KIF2C: variants seen among roughly 807,000 people sequenced by gnomAD.
KIF2C encodes kinesin-like protein KIF2C.
KIF2C carries 34 observed loss-of-function variants against 97.4 expected under a neutral mutation model. The ratio of observed to expected loss-of-function variants is 0.35; its 90% confidence interval spans 0.27 to 0.46. The LOEUF (loss-of-function observed/expected upper bound fraction) is 0.46, where lower values mean the gene tolerates loss of function less well. KIF2C is among the 20% of genes least tolerant of loss of function. KIF2C has a pLI of 1.00. For missense variants in KIF2C, 750 were observed against 907.6 expected, an observed-to-expected ratio of 0.83 and a Z score of 2.23; for synonymous variants, 313 against 318.2, an observed-to-expected ratio of 0.98 and a Z score of 0.17.
rs770333738 is a variant in KIF2C at position 44,739,950 on chromosome 1, G to A, written c.18G>A (p.Ser6=). 3.7e-6 allele frequency: 6 copies of A among 1,614,174 alleles called. No homozygotes were observed. In the Admixed American group the frequency reaches 8.3e-5, roughly 22 times the overall value. The change falls in exon 1 of 21, where the codon TCG becomes TCA. Residue 6 remains serine (S), a synonymous_variant. Coordinates refer to ENST00000372224, the MANE Select transcript of KIF2C (RefSeq NM_006845.4). MAMDS[S]LQARLFPGLA... is the part of the protein sequence containing the mutation. ...CTCTCCGAATGGCCATGGACTCGTC[G>A]CTTCAGGCCCGCCTGTTTCCCGGTC...
intron 5 of KIF2C, 133 bp downstream of exon 5, chr1:44,750,697 C>A: frequency 3.9e-6 from 4 of 1,038,036 alleles, no homozygotes; most frequent in Non-Finnish European, 5.1e-6. Context: ...CCTACCAACA[C>A]GGCTTTCTTA....
At chr1:44,759,176 C>T (rs2148831200) in intron 13 of KIF2C, 30 bp from the exon 14 acceptor site, 1 of 1,613,174 alleles carries the variant, frequency 6.2e-7, no homozygotes, top group Middle Eastern at 1.7e-4. Context: ...TGCCCAGTGG[C>T]CTTAGCCTCA....
At position 44,760,344 on chromosome 1, in the gene KIF2C, C is replaced by A; in HGVS notation, c.1432C>A (p.Leu478Ile). 1.2e-6 allele frequency: 2 copies of A among 1,614,218 alleles called. No homozygotes were observed. Among genetic ancestry groups the A allele is most frequent in the Non-Finnish European group, 1.7e-6 (2 of 1,180,054 alleles). The change falls in exon 15 of 21, where the codon CTT becomes ATT. Residue 478 changes from leucine to isoleucine, a missense_variant. Transcript: ENST00000372224. This position sits in a 1 kb window ranked among gnomAD's most constrained non-coding sequence, Gnocchi z 4.2. Reference protein sequence around the residue: ...SRSHACFQIILRAKGRMHGKF... With the variant: ...SRSHACFQIIIRAKGRMHGKF... ...CTCCCACGCGTGCTTCCAAATTATTCTTCGAGCTAAAGGGAGAATGCATGG... is the reference window on the plus strand; with the variant it reads ...CTCCCACGCGTGCTTCCAAATTATTATTCGAGCTAAAGGGAGAATGCATGG...
chr1:44,762,127 T>C (rs1650185253), intron 17 of KIF2C, 144 bp downstream of exon 17: 4 of 871,620 alleles, frequency 4.6e-6, no homozygotes, highest in East Asian at 2.5e-5. Flanking sequence ...AGTTCCGCCG[T>C]GATGCTAGGT....
intron 10 of KIF2C, among the ~76,000 whole-genome samples, chr1:44,756,544 CTTTTTT>C (rs67641740): frequency 1.5e-5 from 1 of 65,242 alleles, no homozygotes; most frequent in Non-Finnish European, 2.6e-5. Flanking sequence ...GCTCTATCTG[CTTTTTT>C]TTTTTTTTTT....
rs1387872732 is a variant in KIF2C, at chr1:44,767,113, G to A, written c.2112G>A (p.Leu704=). 6.2e-7 allele frequency: 1 copy of A among 1,614,056 alleles called. No individual in the cohort carries two copies. The highest frequency in any genetic ancestry group is 1.3e-5 in the African/African-American group (1 of 74,930). ...FSALRDVIKA[L]RLAMQLEEQA... The stretch of plus-strand genomic sequence containing the variant: ...TTCTTCCAGATGTCATCAAGGCCTT[G>A]CGCCTGGCCATGCAGCTGGAAGAGC... The change falls in exon 21 of 21, where the codon TTG becomes TTA. Residue 704 remains leucine (L), a synonymous_variant. Coordinates refer to ENST00000372224, the MANE Select transcript of KIF2C (RefSeq NM_006845.4).
At chr1:44,764,078 T>A (rs1394414956) in intron 19 of KIF2C, among the ~76,000 whole-genome samples, 1 of 152,036 alleles carries the variant, frequency 6.6e-6, no homozygotes, top group Non-Finnish European at 1.5e-5. Flanking sequence ...ACTGTGTCCG[T>A]GTTCATGGGA....
chr1:44,740,422 C>G (rs1026203307), intron 1 of KIF2C, among the ~76,000 whole-genome samples: 4 of 152,162 alleles, frequency 2.6e-5, no homozygotes, highest in Admixed American at 6.6e-5. Flanking sequence ...GCTTGAGGAG[C>G]TTGTAGTCGT....
chr1:44,739,890 G>A lies in KIF2C; in HGVS notation c.-43G>A. The stretch of plus-strand genomic sequence containing the variant: ...ACTTCGTAGGGTTAGCGAAATTGAG[G>A]TTTCTTGGTATTGCGCGTTTCTCTT... On this transcript the variant is annotated 5_prime_UTR_variant, in exon 1 of 21. Coordinates refer to ENST00000372224, the MANE Select transcript of KIF2C (RefSeq NM_006845.4). 1.3e-6 allele frequency: 2 copies of A among 1,569,712 alleles called. No individual in the cohort carries two copies. The highest frequency in any genetic ancestry group is 1.8e-6 in the Non-Finnish European group (2 of 1,139,544).
At chr1:44,756,740 CA>C (rs1193008717) in intron 10 of KIF2C, among the ~76,000 whole-genome samples, 1 of 149,638 alleles carries the variant, frequency 6.7e-6, no homozygotes, top group African/African-American at 2.5e-5. Context: ...TTAGTAGAAA[CA>C]GGGTTTCGCC....
At chr1:44,764,037 A>G (rs1234555971) in intron 19 of KIF2C, among the ~76,000 whole-genome samples, 1 of 151,924 alleles carries the variant, frequency 6.6e-6, no homozygotes, top group Non-Finnish European at 1.5e-5. Flanking sequence ...CATCTCAGAA[A>G]AAAAAAAAGA....
chr1:44,762,561 A>G lies in KIF2C; in HGVS notation c.1874A>G (p.Glu625Gly), dbSNP rs746788941. Residue 625 changes from glutamate (E) to glycine (G), a missense_variant, in exon 19 of 21, where the codon GAG (glutamate) becomes GGG (glycine). Transcript: ENST00000372224. ...CCCTCTCAGTTATCCAAGGAAGAGGAGGAACTGTCTTCCCAGATGTCCAGC... is the reference window on the plus strand; with the variant it reads ...CCCTCTCAGTTATCCAAGGAAGAGGGGGAACTGTCTTCCCAGATGTCCAGC... ...LIPGNLSKEEEELSSQMSSFN... is the reference protein window; with the variant it reads ...LIPGNLSKEEGELSSQMSSFN... 1.9e-6 allele frequency: 3 copies of G among 1,613,786 alleles called. No individual in the cohort carries two copies. The South Asian group carries it at 3.3e-5, about 18-fold the overall frequency.
Position 44,761,916 on chromosome 1 carries a change from A to T in KIF2C, c.1684A>T (p.Ile562Phe). 6.2e-7 allele frequency: 1 copy of T among 1,614,084 alleles called. No individual in the cohort carries two copies. Residue 562 changes from isoleucine to phenylalanine, a missense_variant and splice_region_variant, in exon 17 of 21, where the codon ATT becomes TTT. By Grantham distance (21) the Ile-to-Phe change is conservative. Coordinates refer to ENST00000372224, the MANE Select transcript of KIF2C (RefSeq NM_006845.4). ...FIGENSRTCMIATISPGISSC... is the reference protein window; with the variant it reads ...FIGENSRTCMFATISPGISSC... ...TTAATCACCCACCCCTCTTTTGCAGATTGCCACGATCTCACCAGGCATAAG... is the reference window on the plus strand; with the variant it reads ...TTAATCACCCACCCCTCTTTTGCAGTTTGCCACGATCTCACCAGGCATAAG...
At chr1:44,765,983 C>T (rs1573581645) in intron 19 of KIF2C, among the ~76,000 whole-genome samples, 2 of 151,960 alleles carry the variant, frequency 1.3e-5, no homozygotes, top group African/African-American at 2.4e-5. Context: ...ACCCGGGAGG[C>T]GGAGGTTGCA....
At chr1:44,756,429 G>A (rs767528262) in intron 10 of KIF2C, among the ~76,000 whole-genome samples, 192 bp downstream of exon 10, 4 of 151,850 alleles carry the variant, frequency 2.6e-5, no homozygotes, top group Non-Finnish European at 5.9e-5. Context: ...GGTATCACCC[G>A]TTACGTGCTG....
chr1:44,752,757 C>T (rs746199521), intron 5 of KIF2C, among the ~76,000 whole-genome samples: 3 of 152,170 alleles, frequency 2.0e-5, no homozygotes, highest in Non-Finnish European at 4.4e-5. Flanking sequence ...TCCTGTTAAC[C>T]ACCTGGGTTC....
chr1:44,751,377 G>A (rs192245955), intron 5 of KIF2C, among the ~76,000 whole-genome samples: 20 of 151,998 alleles, frequency 1.3e-4, no homozygotes, highest in African/African-American at 4.1e-4. Context: ...TGTATTTTTA[G>A]TAGGGGTGGG....
chr1:44,740,925 G>T lies in KIF2C; in HGVS notation c.83G>T (p.Ser28Ile). 1 of 1,612,962 alleles carries T rather than the reference G, an allele frequency of 6.2e-7. No homozygotes were observed. Residue 28 changes from serine to isoleucine, a missense_variant, in exon 2 of 21, where the codon AGT (serine) becomes ATT (isoleucine). Transcript: ENST00000372224. The part of the protein sequence containing the change: ...KIQRSNGLIH[S>I]ANVRTVNLEK... Reference sequence around the variant, plus strand: ...TCATACTTTATAGGTTTAATTCACAGTGCCAATGTAAGGACTGTGAACTTG... The same window carrying T: ...TCATACTTTATAGGTTTAATTCACATTGCCAATGTAAGGACTGTGAACTTG...
intron 19 of KIF2C, 55 bp downstream of exon 19, chr1:44,762,713 C>G (rs1650232882): frequency 6.3e-6 from 7 of 1,116,608 alleles, no homozygotes; most frequent in Admixed American, 1.7e-5. Flanking sequence ...TCAGTATGCT[C>G]CACACCATTC....
Sources: gnomAD v4.1 joint callset for allele counts (sites outside exome capture counted in the v4.1 genomes callset) on GRCh38, gnomAD v4.1.1 for gene constraint, Gnocchi (gnomAD v3.1) non-coding constraint, MANE v1.5 for transcripts, NCBI Gene and HGNC (gene_info 2026-07-23, HGNC 2026-07-21) for gene names.